GCFC2: variants seen among roughly 807,000 people sequenced by gnomAD.
The protein encoded by GCFC2 is GC-rich sequence DNA-binding factor 2, also known as intron Large complex component GCFC2.
GCFC2 carries 102 observed loss-of-function variants against 99.4 expected under a neutral mutation model. That is an observed-to-expected ratio of 1.03 (90% CI 0.87 to 1.21). The LOEUF (loss-of-function observed/expected upper bound fraction) is 1.21. Among genes scored for constraint, GCFC2 ranks in the 50% most tolerant of loss-of-function variants. GCFC2 has a pLI of 0.00. For missense variants in GCFC2, 973 were observed against 920.9 expected (o/e 1.06, Z -0.73); for synonymous variants, 338 against 316.8 (o/e 1.07, Z -0.71).
At chr2:75,665,803 C>A (rs1678813476) in intron 16 of GCFC2, 126 bp downstream of exon 16, 1 of 540,006 alleles carries the variant, frequency 1.9e-6, no homozygotes, top group Non-Finnish European at 3.1e-6. Context: ...AAAATATCTA[C>A]TAACTCTACA....
chr2:75,669,352 T>C (rs542823536), intron 15 of GCFC2, among the ~76,000 whole-genome samples: 1 of 152,272 alleles, frequency 6.6e-6, no homozygotes, highest in African/African-American at 2.4e-5. Flanking sequence ...AATGAACACA[T>C]TCCCCAGTTT....
rs77469225 is a variant in GCFC2 at position 75,668,339 on chromosome 2, G to C, written c.2103+1799C>G. Among the ~76,000 whole-genome samples, 388 of 151,748 alleles carry C rather than the reference G, an allele frequency of 2.6e-3. 4 individuals carry two copies. Among genetic ancestry groups the C allele is most frequent in the African/African-American group, 8.0e-3 (331 of 41,340 alleles). ...GCTTAGAATGCATATAAGTGCTAAAGAAAACAAAACAAAACAAAACAAAAC... is the reference window on the plus strand; with the variant it reads ...GCTTAGAATGCATATAAGTGCTAAACAAAACAAAACAAAACAAAACAAAAC... On this transcript the variant is annotated intron_variant, in intron 15 of 16. Transcript: ENST00000321027.
intron 11 of GCFC2, among the ~76,000 whole-genome samples, chr2:75,687,114 T>C (rs1679853285): frequency 6.6e-6 from 1 of 152,128 alleles, no homozygotes; most frequent in Non-Finnish European, 1.5e-5. Context: ...TTTTGTATTT[T>C]TAGTAGAGAC....
chr2:75,711,674 G>A (rs1009597854), upstream of GCFC2, among the ~76,000 whole-genome samples: 7 of 152,310 alleles, frequency 4.6e-5, no homozygotes, highest in East Asian at 1.4e-3. Flanking sequence ...CGGAGCAGCC[G>A]GCCGGCCCTG....
At chr2:75,670,508 C>G in intron 14 of GCFC2, 2 of 374,502 alleles carry the variant, frequency 5.3e-6, no homozygotes, top group Non-Finnish European at 1.0e-5. Flanking sequence ...ATCCCCAAAT[C>G]TATCTCAAAT....
chr2:75,678,221 AT>A (rs1679432371), intron 12 of GCFC2, among the ~76,000 whole-genome samples: 1 of 152,264 alleles, frequency 6.6e-6, no homozygotes, highest in Non-Finnish European at 1.5e-5. Context: ...CATTTAGGTT[AT>A]AACTAAACAA....
rs1392557900 is a variant in GCFC2, at chr2:75,702,192, T to A, written c.619+7A>T. 6.3e-7 allele frequency: 1 copy of A among 1,599,580 alleles called. No individual in the cohort carries two copies. Among genetic ancestry groups the A allele is most frequent in the South Asian group, 1.1e-5 (1 of 90,814 alleles). On this transcript the variant is annotated splice_region_variant and intron_variant, in intron 3 of 16. Transcript: ENST00000321027. ...ATCCTAATCTTCATATATTGGTAAA[T>A]CCATACTTGATTCCTCAGCCATCCT...
chr2:75,689,436 C>T (rs1558742277), intron 9 of GCFC2, among the ~76,000 whole-genome samples: 1 of 152,090 alleles, frequency 6.6e-6, no homozygotes, highest in Non-Finnish European at 1.5e-5. Context: ...CGCAGAAATA[C>T]ATTAATCTCA....
chr2:75,712,774 GC>G (rs549156684), upstream of GCFC2, among the ~76,000 whole-genome samples: 119 of 151,964 alleles, frequency 7.8e-4, 1 homozygote, highest in Middle Eastern at 3.4e-3. Flanking sequence ...ATCAGAAGGG[GC>G]AGACCCCAGA....
At chr2:75,674,415 C>A (rs1345439024) in intron 12 of GCFC2, among the ~76,000 whole-genome samples, 3 of 151,972 alleles carry the variant, frequency 2.0e-5, no homozygotes, top group Non-Finnish European at 4.4e-5. Context: ...ATGATGACTA[C>A]AGTAACAGAC....
Position 75,702,329 on chromosome 2 carries a change from A to G in GCFC2, c.489T>C (p.His163=). The G allele has an allele frequency of 1.2e-6, 2 of 1,613,164 alleles. No individual in the cohort carries two copies. The highest frequency in any genetic ancestry group is 1.7e-6 in the Non-Finnish European group (2 of 1,179,116). The change falls in exon 3 of 17, where the codon CAT becomes CAC. Residue 163 remains histidine, a synonymous_variant. Coordinates refer to ENST00000321027, the MANE Select transcript of GCFC2 (RefSeq NM_003203.5). ...QDDYISLDVQ[H]TSSISGMKRE... is the part of the protein sequence containing the mutation. ...TCTTCATACCAGAGATGGAGGAGGTATGTTGTACATCCAAAGAAATATAGT... is the reference window on the plus strand; with the variant it reads ...TCTTCATACCAGAGATGGAGGAGGTGTGTTGTACATCCAAAGAAATATAGT...
At position 75,710,857 on chromosome 2, in the gene GCFC2, G is replaced by T; in HGVS notation, c.-2C>A. ...AGTCCTTTTCGGCCTGTGAGCCATGGCCGAGGCCCGAGCGCCCGGCGCCCT... is the reference window on the plus strand; with the variant it reads ...AGTCCTTTTCGGCCTGTGAGCCATGTCCGAGGCCCGAGCGCCCGGCGCCCT... On this transcript the variant is annotated 5_prime_UTR_variant, in exon 1 of 17. Transcript: ENST00000321027. The T allele has an allele frequency of 6.5e-7, 1 of 1,547,696 alleles. No individual in the cohort carries two copies.
chr2:75,701,186 T>G lies in GCFC2; in HGVS notation c.717+4A>C. ...CTAATACACATGGGATAAAAAATGA[T>G]TACCTCTATGATTTTAACTGCTTTC... is the stretch of plus-strand genomic sequence containing the variant. On this transcript the variant is annotated splice_donor_region_variant and intron_variant, in intron 4 of 16. Transcript: ENST00000321027. 6.8e-7 allele frequency: 1 copy of G among 1,474,766 alleles called. No individual in the cohort carries two copies. Among genetic ancestry groups the G allele is most frequent in the Non-Finnish European group, 9.5e-7 (1 of 1,054,040 alleles). 91.4% of individuals were successfully genotyped at this position (1,474,766 alleles called of 1,614,324 possible).
chr2:75,697,533 G>C (rs1261450387), intron 4 of GCFC2: 1 of 152,214 alleles, frequency 6.6e-6, no homozygotes, highest in Non-Finnish European at 1.5e-5. Context: ...ACCCTGCACA[G>C]AGTTCTGTCA....
At chr2:75,712,143 C>T (rs529913049), upstream of GCFC2, among the ~76,000 whole-genome samples, 1 of 116,910 alleles carries the variant, frequency 8.6e-6, no homozygotes, top group African/African-American at 2.6e-5. Context: ...CACCAATCAG[C>T]ACCCTGTGTT....
chr2:75,696,102 T>C (rs949746606), intron 5 of GCFC2, 98 bp downstream of exon 5: 8 of 562,492 alleles, frequency 1.4e-5, no homozygotes, highest in African/African-American at 1.3e-4. Flanking sequence ...CATAAGTCTG[T>C]TTAATATCAG....
rs1558755965 is a variant in GCFC2, at chr2:75,706,538, CT to C, written c.378del (p.Glu127AsnfsTer44). 2 of 1,592,934 alleles carry C rather than the reference CT, an allele frequency of 1.3e-6. No homozygotes were observed. Among genetic ancestry groups the C allele is most frequent in the East Asian group, 2.2e-5 (1 of 44,682 alleles). ...SSDSSSSLGE[K>X]ELSSTVKIPD... ...AATTACTAACCTGTTGATGAAAGTT[CT>C]TTTTCTCCAAGAGAGCTAGAACTGT... is the stretch of plus-strand genomic sequence containing the variant. On this transcript the variant is annotated frameshift_variant, in exon 2 of 17. Transcript: ENST00000321027. LOFTEE classifies it high-confidence loss of function.
intron 7 of GCFC2, 102 bp downstream of exon 7, chr2:75,691,874 GA>G (rs1680085177): frequency 3.5e-6 from 2 of 569,526 alleles, no homozygotes; most frequent in Non-Finnish European, 5.1e-6. Context: ...GGGTTTGTGG[GA>G]AAATACATGA....
In GCFC2 at chr2:75,664,579, AAAG is replaced by A. The variant is rs1415712923; in HGVS notation, c.*84_*86del. 1 of 664,468 alleles carries A rather than the reference AAAG, an allele frequency of 1.5e-6. No individual in the cohort carries two copies. Among genetic ancestry groups the A allele is most frequent in the African/African-American group, 1.8e-5 (1 of 55,262 alleles). 41.2% of individuals were successfully genotyped at this position (664,468 alleles called of 1,614,324 possible). A position where few individuals can be genotyped will look rare whatever the true frequency, so the allele number is the denominator to read the frequency against. ...AATCCTACCTTCTATTACAGGGAAT[AAAG>A]AAGAGAGAGGCACCAGCTTCTTCTC... is the stretch of plus-strand genomic sequence containing the variant. On this transcript the variant is annotated 3_prime_UTR_variant, in exon 17 of 17. Transcript: ENST00000321027.
Sources: gnomAD v4.1 joint callset for allele counts (sites outside exome capture counted in the v4.1 genomes callset) on GRCh38, gnomAD v4.1.1 for gene constraint, MANE v1.5 for transcripts, NCBI Gene and HGNC (gene_info 2026-07-23, HGNC 2026-07-21) for gene names.